Variants in B4GALT6 observed in about 807,000 individuals in gnomAD.
B4GALT6 encodes the protein UDP-Gal:beta-GlcNAc beta-1,4-galactosyltransferase 6.
In B4GALT6, 14 loss-of-function variants were observed where a neutral mutation model predicts 46.3. The ratio of observed to expected loss-of-function variants is 0.30; its 90% CI spans 0.20 to 0.47. The LOEUF (loss-of-function observed/expected upper bound fraction) is 0.47. Ranked by LOEUF, B4GALT6 falls within the 20% of genes least tolerant of loss-of-function variation. B4GALT6 has a pLI of 0.99. For missense variants in B4GALT6, 386 were observed against 480.1 expected (o/e 0.80, Z 1.83); for synonymous variants, 168 against 162.0 (o/e 1.04, Z -0.28).
the B4GALT6 span, among the ~76,000 whole-genome samples, chr18:31,722,134 A>AGCTAGAATAATTT: frequency 2.0e-5 from 3 of 152,182 alleles, no homozygotes; most frequent in Non-Finnish European, 4.4e-5. Context: ...GTATACACAT[A>AGCTAGAATAATTT]GCTAGAATAA....
Position 31,662,828 on chromosome 18 carries a change from G to A in B4GALT6, c.232+3428C>T, listed in dbSNP as rs544830662. ...TGCACTTCAGCCTGGGCGACAGAGC[G>A]AGACTCTGTCTCAAAAAAAAACAAA... On this transcript the variant is annotated intron_variant, in intron 2 of 8. Transcript: ENST00000306851. Among the ~76,000 whole-genome samples, 15 of 151,914 alleles carry A rather than the reference G, an allele frequency of 9.9e-5. No homozygotes were observed. The East Asian group carries it at 1.5e-3, about 16-fold the overall frequency.
chr18:31,633,125 T>A (rs747118817), intron 5 of B4GALT6, among the ~76,000 whole-genome samples: 5 of 152,110 alleles, frequency 3.3e-5, no homozygotes, highest in Non-Finnish European at 7.4e-5. Flanking sequence ...GGGTAAAAAA[T>A]TCCAGGAAAA....
the B4GALT6 span, among the ~76,000 whole-genome samples, chr18:31,707,231 CTTTTTTTT>C: frequency 7.1e-6 from 1 of 140,022 alleles, no homozygotes; most frequent in East Asian, 2.0e-4. Context: ...TCTTTTCTTT[CTTTTTTTT>C]TTTTTTTTTA....
chr18:31,676,251 T>C (rs2074413588), intron 1 of B4GALT6, among the ~76,000 whole-genome samples: 1 of 152,074 alleles, frequency 6.6e-6, no homozygotes, highest in Non-Finnish European at 1.5e-5. Flanking sequence ...CTCAAATATA[T>C]AAAAACAGGC....
chr18:31,659,547 C>T (rs1598907051), intron 2 of B4GALT6, among the ~76,000 whole-genome samples: 1 of 152,166 alleles, frequency 6.6e-6, no homozygotes, highest in African/African-American at 2.4e-5. Context: ...AGAGAAGGTC[C>T]AATTCCAAAG....
At chr18:31,697,097 C>T in the B4GALT6 span, among the ~76,000 whole-genome samples, 1 of 152,080 alleles carries the variant, frequency 6.6e-6, no homozygotes, top group Admixed American at 6.6e-5. Flanking sequence ...ATGGCAAAAT[C>T]CCATCTCTAC....
the B4GALT6 span, among the ~76,000 whole-genome samples, chr18:31,692,104 C>T: frequency 6.6e-6 from 1 of 152,040 alleles, no homozygotes; most frequent in East Asian, 1.9e-4. Context: ...GTATAATATT[C>T]TAAATATCTA....
chr18:31,644,871 TA>T (rs1253757023), intron 4 of B4GALT6, among the ~76,000 whole-genome samples: 1 of 152,248 alleles, frequency 6.6e-6, no homozygotes, highest in African/African-American at 2.4e-5. Flanking sequence ...AGCCTCTTTA[TA>T]ATCTTGGATT....
At chr18:31,658,165 A>T (rs2074166947) in intron 2 of B4GALT6, 76 bp from the exon 3 acceptor site, 1 of 1,031,990 alleles carries the variant, frequency 9.7e-7, no homozygotes, top group Non-Finnish European at 1.5e-6. Flanking sequence ...ATACGTCACT[A>T]TCACTGGGAG....
rs2073644352 is a variant in B4GALT6 at position 31,623,459 on chromosome 18, G to T, written c.*2155C>A. 1 of 152,288 alleles carries T rather than the reference G, an allele frequency of 6.6e-6. No individual in the cohort carries two copies. Among genetic ancestry groups the T allele is most frequent in the Admixed American group, 6.6e-5 (1 of 15,258 alleles). 9.4% of individuals were successfully genotyped at this position (152,288 alleles called of 1,614,324 possible). ...TAAGAAAATAAGGCAGATACTAGTA[G>T]TACTAAGTTTTCTTGAAACTGTAAA... On this transcript the variant is annotated 3_prime_UTR_variant, in exon 9 of 9. Coordinates refer to ENST00000306851, the MANE Select transcript of B4GALT6 (RefSeq NM_004775.5).
intron 5 of B4GALT6, among the ~76,000 whole-genome samples, chr18:31,631,990 T>C (rs1395425971): frequency 1.3e-5 from 2 of 152,096 alleles, no homozygotes; most frequent in African/African-American, 2.4e-5. Context: ...CCCTATATTA[T>C]AACCATTTTC....
chr18:31,691,546 A>G, the B4GALT6 span, among the ~76,000 whole-genome samples: 2 of 151,984 alleles, frequency 1.3e-5, no homozygotes, highest in African/African-American at 4.8e-5. Context: ...GCAATTCAAG[A>G]AATGTAATTA....
rs2073892574 is a variant in B4GALT6, at chr18:31,638,644, C to T, written c.588G>A (p.Gln196=). 4 of 1,603,386 alleles carry T rather than the reference C, an allele frequency of 2.5e-6. No homozygotes were observed. Among genetic ancestry groups the T allele is most frequent in the Non-Finnish European group, 3.4e-6 (4 of 1,170,348 alleles). Residue 196 remains glutamine, a splice_region_variant and synonymous_variant, in exon 5 of 9, where the codon CAG becomes CAA. Transcript: ENST00000306851. Reference sequence around the variant, plus strand: ...TGACCACTATGAAAAGTATTCTCACCTGTTCAATGACATAAAACGCAAATT... The same window carrying T: ...TGACCACTATGAAAAGTATTCTCACTTGTTCAATGACATAAAACGCAAATT... ...RLEFAFYVIE[Q]TGTQPFNRAM... is the part of the protein sequence containing the mutation.
chr18:31,707,718 A>C, the B4GALT6 span, among the ~76,000 whole-genome samples: 1 of 152,178 alleles, frequency 6.6e-6, no homozygotes, highest in African/African-American at 2.4e-5. Flanking sequence ...CCCCCACATT[A>C]TGCATGGTTC....
the B4GALT6 span, among the ~76,000 whole-genome samples, chr18:31,723,226 T>C: frequency 6.6e-6 from 1 of 152,208 alleles, no homozygotes; most frequent in Non-Finnish European, 1.5e-5. Flanking sequence ...GAAAGCTCAC[T>C]GTTTGCAAAG....
intron 1 of B4GALT6, among the ~76,000 whole-genome samples, chr18:31,669,882 AC>A (rs1390025832): frequency 6.6e-6 from 1 of 151,602 alleles, no homozygotes; most frequent in Non-Finnish European, 1.5e-5. Flanking sequence ...TGAAAAGAAA[AC>A]CTGCCACAAA....
chr18:31,626,393 CCATATA>C lies in B4GALT6; in HGVS notation c.900-15_900-10del. 3 of 1,397,732 alleles carry C rather than the reference CCATATA, an allele frequency of 2.1e-6. No individual in the cohort carries two copies. Among genetic ancestry groups the C allele is most frequent in the Non-Finnish European group, 3.0e-6 (3 of 1,005,204 alleles). The allele number at this position is 1,397,732 out of a possible 1,614,324, so 86.6% of individuals were successfully genotyped here. On this transcript the variant is annotated splice_polypyrimidine_tract_variant and intron_variant, in intron 7 of 8. Coordinates refer to ENST00000306851, the MANE Select transcript of B4GALT6 (RefSeq NM_004775.5). ...ATCCAGCATAGTGAACTCTACAATGCCATATATGGAAATGAAAATATAGAGAAATAA... is the reference window on the plus strand; with the variant it reads ...ATCCAGCATAGTGAACTCTACAATGCTGGAAATGAAAATATAGAGAAATAA...
At chr18:31,660,486 T>C (rs1353538703) in intron 2 of B4GALT6, among the ~76,000 whole-genome samples, 1 of 151,956 alleles carries the variant, frequency 6.6e-6, no homozygotes, top group African/African-American at 2.4e-5. Flanking sequence ...CACCTTAGAG[T>C]TACTTATTTA....
chr18:31,666,559 A>G (rs1567978046), intron 1 of B4GALT6, among the ~76,000 whole-genome samples, 187 bp from the exon 2 acceptor site: 2 of 152,166 alleles, frequency 1.3e-5, no homozygotes, highest in Non-Finnish European at 2.9e-5. Flanking sequence ...TGATTTTTTA[A>G]GAATAAAAAC....
Sources: allele counts gnomAD v4.1 joint callset (sites outside exome capture counted in the v4.1 genomes callset), GRCh38; gene constraint gnomAD v4.1.1; transcripts MANE v1.5; gene names NCBI Gene and HGNC (gene_info 2026-07-23, HGNC 2026-07-21).